Variants in MMP20 observed in about 807,000 individuals in gnomAD.
The protein encoded by MMP20 is matrix metalloproteinase-20.
MMP20 carries 50 observed loss-of-function variants against 51.8 expected under a neutral mutation model. The observed-to-expected ratio is 0.97, with a 90% CI of 0.77 to 1.22. The LOEUF (loss-of-function observed/expected upper bound fraction) is 1.22, where lower values mean the gene tolerates loss of function less well. MMP20 is among the 50% of genes most tolerant of loss of function. MMP20 has a pLI of 0.00. For missense variants in MMP20, 663 were observed against 601.4 expected, an observed-to-expected ratio of 1.10 and a Z score of -1.07; for synonymous variants, 244 against 216.2, an observed-to-expected ratio of 1.13 and a Z score of -1.13.
At chr11:102,620,627 C>G (rs1057460523) in intron 1 of MMP20, among the ~76,000 whole-genome samples, 3 of 152,206 alleles carry the variant, frequency 2.0e-5, no homozygotes, top group African/African-American at 7.2e-5. Context: ...CAGCTTAGGT[C>G]TCCCTTCCAA....
intron 5 of MMP20, chr11:102,607,751 T>C (rs1391260617): frequency 6.6e-6 from 1 of 152,062 alleles, no homozygotes; most frequent in African/African-American, 2.4e-5. Context: ...TGAGTGACAG[T>C]GGCCATCCGA....
intron 6 of MMP20, 32 bp downstream of exon 6, chr11:102,606,503 C>A: frequency 6.2e-6 from 10 of 1,613,232 alleles, no homozygotes; most frequent in Non-Finnish European, 8.5e-6. Flanking sequence ...AGATGAGGCC[C>A]AATGAGAGTC....
chr11:102,591,178 A>G (rs896775266), intron 8 of MMP20, among the ~76,000 whole-genome samples: 3 of 152,200 alleles, frequency 2.0e-5, no homozygotes, highest in Admixed American at 6.5e-5. Context: ...GGCCAGTACA[A>G]TAGGTTTCTC....
chr11:102,594,375 C>T (rs1486304582), intron 7 of MMP20, among the ~76,000 whole-genome samples: 1 of 152,216 alleles, frequency 6.6e-6, no homozygotes, highest in Non-Finnish European at 1.5e-5. Flanking sequence ...TCCCTAGGCA[C>T]TATCACCTAA....
At chr11:102,625,141 T>C in intron 1 of MMP20, 53 bp downstream of exon 1, 1 of 1,608,322 alleles carries the variant, frequency 6.2e-7, no homozygotes, top group Non-Finnish European at 8.5e-7. Flanking sequence ...CTATGCCCTT[T>C]TAGGTTTTCT....
intron 3 of MMP20, among the ~76,000 whole-genome samples, chr11:102,611,453 T>C (rs1486313782): frequency 6.6e-6 from 1 of 152,262 alleles, no homozygotes; most frequent in Non-Finnish European, 1.5e-5. Context: ...TGAGGTCATG[T>C]GGCTAACGGG....
chr11:102,601,125 C>CTTT (rs1168517234), intron 6 of MMP20, among the ~76,000 whole-genome samples: 8,549 of 28,200 alleles, frequency 0.3, 3,415 homozygotes, highest in East Asian at 0.61. Flanking sequence ...GTCGGCTATT[C>CTTT]TTTTTTTTTT....
chr11:102,616,773 G>A (rs201339135), intron 2 of MMP20, 39 bp downstream of exon 2: 119 of 1,610,980 alleles, frequency 7.4e-5, no homozygotes, highest in Non-Finnish European at 9.5e-5. Flanking sequence ...GAGAGAGGTG[G>A]TGTTTTTCTC....
chr11:102,610,041 G>T lies in MMP20; in HGVS notation c.524-11C>A, dbSNP rs1420333059. ...AGGAATCCCCGTGATCTAAACAAGT[G>T]GGGAGAAAGGCCAACAAGATTGAGT... On this transcript the variant is annotated splice_polypyrimidine_tract_variant and intron_variant, in intron 3 of 9. Transcript: ENST00000260228. 1.9e-6 allele frequency: 3 copies of T among 1,613,770 alleles called. No individual in the cohort carries two copies. Among genetic ancestry groups the T allele is most frequent in the Non-Finnish European group, 2.5e-6 (3 of 1,179,962 alleles).
At chr11:102,582,386 A>G (rs936304548) in intron 8 of MMP20, among the ~76,000 whole-genome samples, 7 of 152,180 alleles carry the variant, frequency 4.6e-5, no homozygotes, top group Admixed American at 6.5e-5. Context: ...ATTTACTGAT[A>G]AGGTTTCTAA....
At chr11:102,589,456 T>G (rs1859291848) in intron 8 of MMP20, among the ~76,000 whole-genome samples, 1 of 152,192 alleles carries the variant, frequency 6.6e-6, no homozygotes, top group Non-Finnish European at 1.5e-5. Flanking sequence ...ATATTTACCC[T>G]CAACTGTAAG....
intron 9 of MMP20, among the ~76,000 whole-genome samples, chr11:102,578,085 T>C (rs539396362): frequency 5.3e-5 from 8 of 152,134 alleles, no homozygotes; most frequent in Non-Finnish European, 8.8e-5. Flanking sequence ...TTCCTAGCTA[T>C]GTGTTAAATT....
intron 6 of MMP20, among the ~76,000 whole-genome samples, chr11:102,597,670 G>C (rs958529130): frequency 6.6e-6 from 1 of 152,130 alleles, no homozygotes; most frequent in African/African-American, 2.4e-5. Flanking sequence ...AAGAAACCCT[G>C]CTTTAAACAC....
chr11:102,598,042 C>T (rs1179553012), intron 6 of MMP20, among the ~76,000 whole-genome samples: 1 of 108,374 alleles, frequency 9.2e-6, no homozygotes, highest in Non-Finnish European at 2.2e-5. Flanking sequence ...GCTGAGATTA[C>T]AGGCGTAGAC....
At chr11:102,594,260 C>T (rs976091304) in intron 7 of MMP20, among the ~76,000 whole-genome samples, 7 of 152,128 alleles carry the variant, frequency 4.6e-5, no homozygotes, top group Non-Finnish European at 7.3e-5. Flanking sequence ...TATTGTTTAC[C>T]TCCCACTGAG....
Position 102,609,109 on chromosome 11 carries a change from TGA to T in MMP20, c.650-13_650-12del, listed in dbSNP as rs1859559867. On this transcript the variant is annotated splice_polypyrimidine_tract_variant and intron_variant, in intron 4 of 9. Coordinates refer to ENST00000260228, the MANE Select transcript of MMP20 (RefSeq NM_004771.4). ...TAAACAAATTAAAACCTAGACAATA[TGA>T]GAGAGAAAAAAACAGTATCAACACA... The T allele has an allele frequency of 6.2e-7, 1 of 1,613,790 alleles. No homozygotes were observed. The highest frequency in any genetic ancestry group is 1.3e-5 in the African/African-American group (1 of 74,924).
chr11:102,619,696 A>G lies in MMP20; in HGVS notation c.127-2637T>C, dbSNP rs193033348. Among the ~76,000 whole-genome samples, 291 of 152,306 alleles carry G rather than the reference A, an allele frequency of 1.9e-3. 4 individuals carry two copies. Among genetic ancestry groups the G allele is most frequent in the African/African-American group, 6.7e-3 (278 of 41,564 alleles). ...CTGAATCATAGAAAAGTATTATGAA[A>G]GATATAGTCTAAGGGACTAACAGTG... On this transcript the variant is annotated intron_variant, in intron 1 of 9. Coordinates refer to ENST00000260228, the MANE Select transcript of MMP20 (RefSeq NM_004771.4).
In MMP20 at chr11:102,609,909, C is replaced by T. The variant is rs143750033; in HGVS notation, c.645G>A (p.Thr215=). ...FDNAEKWTMG[T]NGFNLFTVAA... Reference sequence around the variant, plus strand: ...TGGTGAATTGTGCATATATACCATTCGTTCCCATAGTCCACTTCTCAGCAT... The same window carrying T: ...TGGTGAATTGTGCATATATACCATTTGTTCCCATAGTCCACTTCTCAGCAT... Residue 215 remains threonine (T), a synonymous_variant, in exon 4 of 10, where the codon ACG becomes ACA. Transcript: ENST00000260228. The T allele has an allele frequency of 6.8e-6, 11 of 1,614,030 alleles. No individual in the cohort carries two copies. The highest frequency in any genetic ancestry group is 2.2e-5 in the South Asian group (2 of 91,082).
intron 8 of MMP20, among the ~76,000 whole-genome samples, chr11:102,585,437 T>G (rs1859243620): frequency 6.6e-6 from 1 of 152,206 alleles, no homozygotes; most frequent in South Asian, 2.1e-4. Flanking sequence ...CACAATTGAT[T>G]AACACATTGA....
Sources: allele counts gnomAD v4.1 joint callset (sites outside exome capture counted in the v4.1 genomes callset), GRCh38; gene constraint gnomAD v4.1.1; transcripts MANE v1.5; gene names NCBI Gene and HGNC (gene_info 2026-07-23, HGNC 2026-07-21).